PCSK5: variants seen among roughly 807,000 people sequenced by gnomAD.
The protein encoded by PCSK5 is proprotein convertase subtilisin/kexin type 5, also known as prohormone convertase 5.
Under a neutral mutation model 233.2 loss-of-function variants are expected in PCSK5, and 129 were observed. That is an observed-to-expected ratio of 0.55 (90% CI 0.48 to 0.64). The LOEUF is 0.64. PCSK5 is among the 30% of genes least tolerant of loss of function. The pLI is 0.00. For synonymous variants in PCSK5, 825 were observed against 879.2 expected, an observed-to-expected ratio of 0.94 and a Z score of 1.09; for missense variants, 2,076 against 2,430.1, an observed-to-expected ratio of 0.85 and a Z score of 3.06.
chr9:76,206,481 C>T (rs1172127101), intron 20 of PCSK5, among the ~76,000 whole-genome samples: 2 of 152,214 alleles, frequency 1.3e-5, no homozygotes, highest in South Asian at 2.1e-4. Flanking sequence ...CCTGCTCTCC[C>T]CAGGCTGCCG....
At chr9:75,964,821 C>T (rs891358754) in intron 2 of PCSK5, among the ~76,000 whole-genome samples, 2 of 150,766 alleles carry the variant, frequency 1.3e-5, no homozygotes, top group Admixed American at 6.7e-5. Context: ...GGCCATATTC[C>T]AAATCAACAA....
At chr9:76,260,954 A>G (rs180999126) in intron 24 of PCSK5, among the ~76,000 whole-genome samples, 1 of 152,316 alleles carries the variant, frequency 6.6e-6, no homozygotes, top group East Asian at 1.9e-4. Context: ...TATTATATCA[A>G]TAACCTCTTC....
At chr9:75,999,833 C>A (rs1353503438) in intron 3 of PCSK5, among the ~76,000 whole-genome samples, 1 of 152,200 alleles carries the variant, frequency 6.6e-6, no homozygotes. Context: ...TAGAAGAAAA[C>A]CTAGGCAATA....
At chr9:76,109,620 A>G (rs954081461) in intron 9 of PCSK5, among the ~76,000 whole-genome samples, 19 of 150,900 alleles carry the variant, frequency 1.3e-4, no homozygotes, top group African/African-American at 4.4e-4. Context: ...TTTTTGACAC[A>G]ACTGTGATGA....
chr9:76,168,895 C>G (rs1432079532), intron 12 of PCSK5, among the ~76,000 whole-genome samples: 2 of 152,218 alleles, frequency 1.3e-5, no homozygotes, highest in African/African-American at 4.8e-5. Flanking sequence ...CTGGCAACCA[C>G]TGATCTGTTT....
intron 2 of PCSK5, among the ~76,000 whole-genome samples, chr9:75,933,716 A>G (rs906803883): frequency 6.6e-6 from 1 of 152,014 alleles, no homozygotes; most frequent in Non-Finnish European, 1.5e-5. Flanking sequence ...CCCCTAATAC[A>G]TTTTCATGGT....
rs142897062 is a variant in PCSK5, at chr9:76,225,969, C to G, written c.2627-1534C>G. Among the ~76,000 whole-genome samples the G allele has an allele frequency of 2.3e-3, 348 of 152,284 alleles. 1 individual carries two copies. Among genetic ancestry groups the G allele is most frequent in the African/African-American group, 8.0e-3 (334 of 41,552 alleles). ...CTGCATACCTGTTGGTATGCCTTTGCCCCTGCTGGTTATGCACTCTTTTGG... is the reference window on the plus strand; with the variant it reads ...CTGCATACCTGTTGGTATGCCTTTGGCCCTGCTGGTTATGCACTCTTTTGG... On this transcript the variant is annotated intron_variant, in intron 20 of 37. Coordinates refer to ENST00000674117, the MANE Select transcript of PCSK5 (RefSeq NM_001372043.1).
At chr9:75,978,216 A>G (rs930628475) in intron 2 of PCSK5, among the ~76,000 whole-genome samples, 2 of 152,190 alleles carry the variant, frequency 1.3e-5, no homozygotes, top group African/African-American at 2.4e-5. Flanking sequence ...TTTACAAGGT[A>G]AAAATATCCA....
At chr9:76,158,410 C>T (rs537985019) in intron 11 of PCSK5, among the ~76,000 whole-genome samples, 1 of 152,224 alleles carries the variant, frequency 6.6e-6, no homozygotes, top group South Asian at 2.1e-4. Context: ...AGAGGTTGAA[C>T]CTGATGCCAT....
At chr9:75,962,151 G>A (rs1439621968) in intron 2 of PCSK5, among the ~76,000 whole-genome samples, 3 of 152,168 alleles carry the variant, frequency 2.0e-5, no homozygotes, top group Non-Finnish European at 4.4e-5. Flanking sequence ...CGTTGAGAGA[G>A]TGTGGTCAGG....
chr9:76,310,068 T>G (rs534023233), intron 29 of PCSK5, among the ~76,000 whole-genome samples: 1 of 151,990 alleles, frequency 6.6e-6, no homozygotes, highest in Admixed American at 6.6e-5. Flanking sequence ...TCCAACATGG[T>G]GAAACCCCGT....
intron 2 of PCSK5, among the ~76,000 whole-genome samples, chr9:75,976,986 A>G (rs1031800575): frequency 6.6e-6 from 1 of 152,106 alleles, no homozygotes; most frequent in African/African-American, 2.4e-5. Context: ...GGCATTGACC[A>G]TTGAAATGCT....
At chr9:75,957,785 T>C (rs1825160481) in intron 2 of PCSK5, among the ~76,000 whole-genome samples, 1 of 152,200 alleles carries the variant, frequency 6.6e-6, no homozygotes, top group South Asian at 2.1e-4. Flanking sequence ...AATATGAACA[T>C]TTCCTGTTAG....
chr9:76,145,473 T>TC (rs529638170), intron 10 of PCSK5, among the ~76,000 whole-genome samples: 2 of 151,378 alleles, frequency 1.3e-5, no homozygotes, highest in African/African-American at 4.9e-5. Flanking sequence ...AAATACCACC[T>TC]CCCCCCCAGC....
intron 24 of PCSK5, among the ~76,000 whole-genome samples, chr9:76,289,880 T>C (rs955552745): frequency 3.9e-5 from 6 of 152,216 alleles, no homozygotes; most frequent in African/African-American, 1.4e-4. Context: ...CCAAATTCAC[T>C]GTGCAACTGG....
intron 1 of PCSK5, among the ~76,000 whole-genome samples, chr9:75,908,568 T>A (rs371402271): frequency 1.5e-4 from 23 of 152,172 alleles, no homozygotes; most frequent in African/African-American, 5.6e-4. Flanking sequence ...GTTCTCAACA[T>A]CATTCAACCT....
chr9:76,142,792 C>T (rs1823279032), intron 10 of PCSK5, among the ~76,000 whole-genome samples: 1 of 152,158 alleles, frequency 6.6e-6, no homozygotes, highest in African/African-American at 2.4e-5. Flanking sequence ...ATTAAACTCA[C>T]TACATGATAG....
At chr9:76,351,313 C>A (rs1735323074) in intron 36 of PCSK5, among the ~76,000 whole-genome samples, 1 of 151,854 alleles carries the variant, frequency 6.6e-6, no homozygotes, top group Non-Finnish European at 1.5e-5. Flanking sequence ...ACATAGGAAC[C>A]ACACAGCTAA....
At chr9:76,130,547 A>T (rs1822717853) in intron 9 of PCSK5, among the ~76,000 whole-genome samples, 1 of 152,098 alleles carries the variant, frequency 6.6e-6, no homozygotes, top group East Asian at 1.9e-4. Context: ...ACGTCATGTG[A>T]TTTTCAATAT....
Sources: gnomAD v4.1 joint callset for allele counts (sites outside exome capture counted in the v4.1 genomes callset) on GRCh38, gnomAD v4.1.1 for gene constraint, MANE v1.5 for transcripts, NCBI Gene and HGNC (gene_info 2026-07-23, HGNC 2026-07-21) for gene names.